NEGR1: variants seen among roughly 807,000 people sequenced by gnomAD.
NEGR1 encodes neuronal growth regulator 1.
NEGR1 carries 10 observed loss-of-function variants against 40.9 expected under a neutral mutation model. The observed-to-expected ratio is 0.24, with a 90% CI of 0.15 to 0.42. The LOEUF (loss-of-function observed/expected upper bound fraction) is 0.42. Ranked by LOEUF, NEGR1 falls within the 10% of genes least tolerant of loss-of-function variation. The pLI is 1.00. For missense variants in NEGR1, 352 were observed against 438.9 expected, an observed-to-expected ratio of 0.80 and a Z score of 1.77; for synonymous variants, 185 against 166.8, an observed-to-expected ratio of 1.11 and a Z score of -0.84.
intron 1 of NEGR1, among the ~76,000 whole-genome samples, chr1:72,054,994 T>A (rs1183989225): frequency 6.6e-6 from 1 of 151,110 alleles, no homozygotes; most frequent in Non-Finnish European, 1.5e-5. Flanking sequence ...AATAATAATA[T>A]TAACACTTAT....
At chr1:72,004,275 G>A (rs923877463) in intron 1 of NEGR1, among the ~76,000 whole-genome samples, 1 of 151,928 alleles carries the variant, frequency 6.6e-6, no homozygotes, top group African/African-American at 2.4e-5. Context: ...AAACAGTAAC[G>A]TGTTTCTTCT....
At chr1:72,170,108 G>A (rs1327182123) in intron 1 of NEGR1, among the ~76,000 whole-genome samples, 2 of 152,038 alleles carry the variant, frequency 1.3e-5, no homozygotes, top group East Asian at 3.9e-4. Flanking sequence ...TTTCCTAAGT[G>A]TTCAGAAATC....
chr1:72,028,379 A>G (rs1010048670), intron 1 of NEGR1, among the ~76,000 whole-genome samples: 1 of 152,208 alleles, frequency 6.6e-6, no homozygotes, highest in Admixed American at 6.5e-5. Flanking sequence ...CACACAAAAC[A>G]TCTATTTTTA....
At chr1:71,931,183 A>C (rs900917952) in intron 2 of NEGR1, among the ~76,000 whole-genome samples, 3 of 152,174 alleles carry the variant, frequency 2.0e-5, no homozygotes, top group African/African-American at 7.2e-5. Flanking sequence ...TTGAGAAGTT[A>C]TTTTGATTAT....
chr1:72,282,534 G>C lies in NEGR1; in HGVS notation c.-40C>G, dbSNP rs1271683435. On this transcript the variant is annotated 5_prime_UTR_variant, in exon 1 of 7. Coordinates refer to ENST00000357731, the MANE Select transcript of NEGR1 (RefSeq NM_173808.3). ...CTCACTCTCCAGCAGCTTTCAGCTC[G>C]CACTCCCCCACCCCCTGGTGCTGGC... The C allele has an allele frequency of 8.4e-6, 12 of 1,436,850 alleles. No individual in the cohort carries two copies. Among genetic ancestry groups the C allele is most frequent in the Non-Finnish European group, 1.0e-5 (11 of 1,077,492 alleles). 89.0% of individuals were successfully genotyped at this position (1,436,850 alleles called of 1,614,324 possible). A position where few individuals can be genotyped will look rare whatever the true frequency, so the allele number is the denominator to read the frequency against.
chr1:71,557,569 T>C (rs2101476104), intron 6 of NEGR1, among the ~76,000 whole-genome samples: 1 of 151,748 alleles, frequency 6.6e-6, no homozygotes, highest in South Asian at 2.1e-4. Context: ...ACAAATTCCT[T>C]ATCTCAAGAA....
chr1:72,132,203 A>G (rs1333249551), intron 1 of NEGR1, among the ~76,000 whole-genome samples: 1 of 152,240 alleles, frequency 6.6e-6, no homozygotes, highest in East Asian at 1.9e-4. Context: ...TGTGATTTCC[A>G]CAATATCTTG....
chr1:71,806,683 A>G (rs567011671), intron 2 of NEGR1, among the ~76,000 whole-genome samples: 3 of 152,246 alleles, frequency 2.0e-5, no homozygotes, highest in East Asian at 1.9e-4. Flanking sequence ...AATACTCACA[A>G]TGGCCCTATA....
intron 2 of NEGR1, among the ~76,000 whole-genome samples, chr1:71,874,894 A>C (rs1162548994): frequency 6.6e-6 from 1 of 151,988 alleles, no homozygotes; most frequent in African/African-American, 2.4e-5. Flanking sequence ...CCCAGGCTGG[A>C]ATGCAGTAAC....
chr1:71,982,182 CA>C (rs1186377869), intron 1 of NEGR1, among the ~76,000 whole-genome samples: 1 of 152,054 alleles, frequency 6.6e-6, no homozygotes, highest in Non-Finnish European at 1.5e-5. Context: ...CTCTTTTTTT[CA>C]GACTTTACAA....
intron 1 of NEGR1, among the ~76,000 whole-genome samples, chr1:72,013,923 G>A (rs572018791): frequency 1.8e-4 from 26 of 141,672 alleles, no homozygotes; most frequent in African/African-American, 6.9e-4. Context: ...AAGAAAGTGT[G>A]TGGGAAGAAT....
intron 1 of NEGR1, among the ~76,000 whole-genome samples, chr1:72,276,652 T>C (rs982873348): frequency 2.6e-5 from 4 of 152,196 alleles, no homozygotes; most frequent in African/African-American, 9.6e-5. Context: ...AATATTCTTA[T>C]GGTTTAACTT....
intron 2 of NEGR1, among the ~76,000 whole-genome samples, chr1:71,785,417 C>T (rs1396987587): frequency 2.6e-5 from 4 of 151,528 alleles, no homozygotes; most frequent in African/African-American, 9.7e-5. Context: ...GTGATGGTAA[C>T]ATTTTATTAA....
At position 72,067,717 on chromosome 1, in the gene NEGR1, G is replaced by A. The variant is rs536397561; in HGVS notation, c.177-132406C>T. ...TTTGAAGAGATTTAACATACTGGGG[G>A]AAAAAAAACTGCTCTTAAAGTATAT... On this transcript the variant is annotated intron_variant, in intron 1 of 6. Coordinates refer to ENST00000357731, the MANE Select transcript of NEGR1 (RefSeq NM_173808.3). 6.6e-5 allele frequency among the ~76,000 whole-genome samples: 10 copies of A among 151,570 alleles called. No homozygotes were observed. The South Asian group carries it at 1.5e-3, about 22-fold the overall frequency.
chr1:71,753,874 CTT>C (rs1655647644), intron 3 of NEGR1, among the ~76,000 whole-genome samples: 1 of 151,800 alleles, frequency 6.6e-6, no homozygotes, highest in African/African-American at 2.4e-5. Flanking sequence ...GAAATGCTGA[CTT>C]TTTCGAAGAC....
intron 4 of NEGR1, among the ~76,000 whole-genome samples, chr1:71,661,733 C>T (rs1652061030): frequency 6.6e-6 from 1 of 152,178 alleles, no homozygotes; most frequent in Non-Finnish European, 1.5e-5. Context: ...TCTTTTCATA[C>T]TACCATCTAG....
intron 6 of NEGR1, among the ~76,000 whole-genome samples, chr1:71,411,731 G>A (rs541242510): frequency 6.6e-6 from 1 of 152,122 alleles, no homozygotes; most frequent in African/African-American, 2.4e-5. Context: ...CGGGTGCAGT[G>A]GTTCATGCCT....
At chr1:71,696,899 G>A (rs551583696) in intron 4 of NEGR1, among the ~76,000 whole-genome samples, 6 of 151,912 alleles carry the variant, frequency 3.9e-5, no homozygotes, top group Non-Finnish European at 8.8e-5. Flanking sequence ...TCCAAAAACT[G>A]CCTCCTGACT....
chr1:72,103,395 A>T (rs952081359), intron 1 of NEGR1, among the ~76,000 whole-genome samples: 8 of 152,098 alleles, frequency 5.3e-5, no homozygotes, highest in African/African-American at 1.9e-4. Flanking sequence ...GCAATTCAGG[A>T]TGTGATGAAG....
Sources: allele counts gnomAD v4.1 joint callset (sites outside exome capture counted in the v4.1 genomes callset), GRCh38; gene constraint gnomAD v4.1.1; transcripts MANE v1.5; gene names NCBI Gene and HGNC (gene_info 2026-07-23, HGNC 2026-07-21).